The following PHKA1 variants were observed in gnomAD, a reference collection of about 807,000 sequenced individuals.
PHKA1 encodes the protein phosphorylase b kinase regulatory subunit alpha, skeletal muscle isoform.
In PHKA1, 60 loss-of-function variants were observed where a neutral mutation model predicts 110.2. The observed-to-expected ratio is 0.54, with a 90% CI of 0.44 to 0.68. PHKA1 has a LOEUF of 0.68. Ranked by LOEUF, PHKA1 falls within the 30% of genes least tolerant of loss-of-function variation. PHKA1 has a pLI of 0.00. For synonymous variants in PHKA1, 316 were observed against 333.6 expected (o/e 0.95, Z 0.58); for missense variants, 801 against 942.5 (o/e 0.85, Z 1.97).
chrX:72,713,066 C>G, intron 1 of PHKA1, 129 bp from the exon 2 acceptor site: 1 of 661,416 alleles, frequency 1.5e-6, no homozygotes. Context: ...GTTTTATAAC[C>G]TCCTCTTCTT....
Position 72,579,390 on chromosome X carries a change from C to A in PHKA1, c.*1612G>T, listed in dbSNP as rs1227976737. ...TTGTTCAGAGAGTCTCTCATCCCCA[C>A]CCTCACCATTCCCAATATTGGGGAA... On this transcript the variant is annotated 3_prime_UTR_variant, in exon 32 of 32. Transcript: ENST00000373542. 1 of 111,670 alleles carries A rather than the reference C, an allele frequency of 9.0e-6. No individual in the cohort carries two copies. The highest frequency in any genetic ancestry group is 1.9e-5 in the Non-Finnish European group (1 of 53,192). 9.2% of individuals were successfully genotyped at this position (111,670 alleles called of 1,213,427 possible). A position where few individuals can be genotyped will look rare whatever the true frequency, so the allele number is the denominator to read the frequency against.
intron 5 of PHKA1, among the ~76,000 whole-genome samples, chrX:72,680,417 GAAGA>G (rs1167784988): frequency 3.5e-5 from 4 of 112,720 alleles, no homozygotes; most frequent in African/African-American, 6.5e-5. Context: ...ATACAGGCAA[GAAGA>G]AAGTGGAACA....
intron 14 of PHKA1, among the ~76,000 whole-genome samples, chrX:72,644,015 AC>A (rs2053329336): frequency 8.9e-6 from 1 of 112,015 alleles, no homozygotes; most frequent in Non-Finnish European, 1.9e-5. Flanking sequence ...AGACCTAAAA[AC>A]AAGTTCCTTG....
At chrX:72,689,641 A>G (rs186003815) in intron 4 of PHKA1, among the ~76,000 whole-genome samples, 3 of 112,327 alleles carry the variant, frequency 2.7e-5, no homozygotes, top group African/African-American at 6.5e-5. Context: ...ATTTTCATTT[A>G]TGGCTATCAT....
chrX:72,675,946 T>C (rs2053774106), intron 6 of PHKA1, 124 bp downstream of exon 6: 3 of 536,429 alleles, frequency 5.6e-6, no homozygotes, highest in African/African-American at 4.6e-5. Context: ...ATCTGAATGT[T>C]GCCTGTGGTT....
At chrX:72,682,359 G>C (rs1183389901) in intron 5 of PHKA1, among the ~76,000 whole-genome samples, 2 of 110,059 alleles carry the variant, frequency 1.8e-5, no homozygotes, top group Non-Finnish European at 3.8e-5. Flanking sequence ...CCCCCTGCCC[G>C]GCCAGCCGCC....
chrX:72,702,325 C>G (rs985522827), intron 3 of PHKA1, among the ~76,000 whole-genome samples: 1 of 110,721 alleles, frequency 9.0e-6, no homozygotes, highest in African/African-American at 3.3e-5. Context: ...TGGCGCACAT[C>G]TGTAATCCCA....
chrX:72,656,591 A>G (rs2053499852), intron 9 of PHKA1, among the ~76,000 whole-genome samples: 1 of 112,473 alleles, frequency 8.9e-6, no homozygotes, highest in Non-Finnish European at 1.9e-5. Flanking sequence ...ATTTTCCTAG[A>G]GGTGACATAT....
At chrX:72,702,124 T>G (rs1053756185) in intron 3 of PHKA1, among the ~76,000 whole-genome samples, 2 of 111,321 alleles carry the variant, frequency 1.8e-5, no homozygotes, top group African/African-American at 6.6e-5. Flanking sequence ...CCCTGGGAAC[T>G]GAAGCCAGAC....
chrX:72,622,803 C>T, intron 18 of PHKA1: 8 of 752,394 alleles, frequency 1.1e-5, no homozygotes, highest in Non-Finnish European at 1.3e-5. Flanking sequence ...CTTGATTAAT[C>T]ATCTCTCACT....
intron 18 of PHKA1, chrX:72,621,960 A>G (rs1358622443): frequency 5.4e-6 from 4 of 737,097 alleles, no homozygotes; most frequent in African/African-American, 4.7e-5. Flanking sequence ...TAGTAATCCA[A>G]TGGAATGAGT....
At chrX:72,708,285 G>A (rs1364863206) in intron 2 of PHKA1, among the ~76,000 whole-genome samples, 1 of 111,501 alleles carries the variant, frequency 9.0e-6, no homozygotes, top group Non-Finnish European at 1.9e-5. Flanking sequence ...TAAAATACTG[G>A]TAATTATGGG....
Position 72,667,805 on chromosome X carries a change from T to A in PHKA1, c.619-332A>T, listed in dbSNP as rs186237977. On this transcript the variant is annotated intron_variant, in intron 6 of 31. Coordinates refer to ENST00000373542, the MANE Select transcript of PHKA1 (RefSeq NM_002637.4). The stretch of plus-strand genomic sequence containing the variant: ...TTTAAAATAGAATTTATTTATTTAT[T>A]TCTTACTTTTCTAAATATATTTTTG... 1.6e-3 allele frequency among the ~76,000 whole-genome samples: 180 copies of A among 111,913 alleles called. 1 individual carries two copies. Among genetic ancestry groups the A allele is most frequent in the Non-Finnish European group, 1.6e-3 (85 of 53,182 alleles).
chrX:72,704,326 TAA>T (rs1334575568), intron 3 of PHKA1, among the ~76,000 whole-genome samples: 1 of 111,771 alleles, frequency 8.9e-6, no homozygotes, highest in Non-Finnish European at 1.9e-5. Context: ...AGATTCAAAT[TAA>T]GTCTTTATTT....
intron 15 of PHKA1, among the ~76,000 whole-genome samples, chrX:72,635,795 TC>T (rs1444710978): frequency 8.9e-6 from 1 of 111,978 alleles, no homozygotes; most frequent in East Asian, 2.8e-4. Flanking sequence ...TTTGTTATTA[TC>T]ATGTAGCTAA....
intron 3 of PHKA1, 53 bp downstream of exon 3, chrX:72,705,145 G>T (rs1272269362): frequency 1.2e-6 from 1 of 861,442 alleles, no homozygotes. Flanking sequence ...AAAGGGTAGA[G>T]ATACTATTAC....
At chrX:72,685,754 A>G (rs781955165) in intron 4 of PHKA1, among the ~76,000 whole-genome samples, 2 of 112,269 alleles carry the variant, frequency 1.8e-5, no homozygotes, top group South Asian at 7.4e-4. Flanking sequence ...CAGGAAGCTA[A>G]TTTTTCCTTT....
chrX:72,688,950 T>C (rs2054000492), intron 4 of PHKA1: 1 of 111,723 alleles, frequency 9.0e-6, no homozygotes, highest in Non-Finnish European at 1.9e-5. Context: ...GACCTCTGGA[T>C]CCTGTGCCTC....
chrX:72,648,133 G>A (rs2053383429), intron 13 of PHKA1, among the ~76,000 whole-genome samples: 2 of 111,918 alleles, frequency 1.8e-5, no homozygotes, highest in African/African-American at 6.5e-5. Context: ...ACTAGAGGGA[G>A]ATGAACATGT....
Sources: gnomAD v4.1 joint callset for allele counts (sites outside exome capture counted in the v4.1 genomes callset) on GRCh38, gnomAD v4.1.1 for gene constraint, MANE v1.5 for transcripts, NCBI Gene and HGNC (gene_info 2026-07-23, HGNC 2026-07-21) for gene names.